The following ABCG8 variants were observed in gnomAD, a reference collection of about 807,000 sequenced individuals.
ABCG8 encodes the protein ATP-binding cassette sub-family G member 8.
ABCG8 carries 81 observed loss-of-function variants against 71.3 expected under a neutral mutation model. The observed-to-expected ratio is 1.14, with a 90% CI of 0.95 to 1.37. The LOEUF (loss-of-function observed/expected upper bound fraction) is 1.37, where lower values mean the gene tolerates loss of function less well. Ranked by LOEUF, ABCG8 falls within the 40% of genes most tolerant of loss-of-function variation. The pLI is 0.00. For missense variants in ABCG8, 1,119 were observed against 866.2 expected (o/e 1.29, Z -3.66); for synonymous variants, 451 against 354.7 (o/e 1.27, Z -3.05).
intron 4 of ABCG8, 89 bp downstream of exon 4, chr2:43,851,911 C>A: frequency 6.9e-7 from 1 of 1,440,158 alleles, no homozygotes; most frequent in Non-Finnish European, 9.7e-7. Context: ...GCCTCAGGAC[C>A]CAGCCGCAGG....
chr2:43,844,453 C>G (rs957025646), intron 1 of ABCG8, 54 bp from the exon 2 acceptor site: 3 of 1,446,468 alleles, frequency 2.1e-6, no homozygotes, highest in Non-Finnish European at 2.9e-6. Flanking sequence ...CTTGTCTTCT[C>G]CTATGTTCTC....
Position 43,879,954 on chromosome 2 carries a change from G to A in ABCG8, c.*2041G>A, listed in dbSNP as rs1477912234. 1.3e-5 allele frequency: 2 copies of A among 152,012 alleles called. No individual in the cohort carries two copies. Among genetic ancestry groups the A allele is most frequent in the Non-Finnish European group, 2.9e-5 (2 of 68,000 alleles). 9.4% of individuals were successfully genotyped at this position (152,012 alleles called of 1,614,324 possible). A position where few individuals can be genotyped will look rare whatever the true frequency, so the allele number is the denominator to read the frequency against. On this transcript the variant is annotated 3_prime_UTR_variant, in exon 13 of 13. Coordinates refer to ENST00000272286, the MANE Select transcript of ABCG8 (RefSeq NM_022437.3). ...TGGGTACTTTGAAACTATGTAAATT[G>A]TAAACTTTCCATTTATGCATTTTAA...
intron 6 of ABCG8, among the ~76,000 whole-genome samples, chr2:43,854,837 C>T (rs553429093): frequency 5.9e-5 from 9 of 152,240 alleles, no homozygotes; most frequent in African/African-American, 1.7e-4. Flanking sequence ...AGGTAGAAGG[C>T]AGAGGCACTG....
chr2:43,852,131 C>T (rs568260060), intron 4 of ABCG8, among the ~76,000 whole-genome samples: 7 of 152,366 alleles, frequency 4.6e-5, no homozygotes, highest in Admixed American at 3.3e-4. Context: ...TACACTGCCA[C>T]GTTCCTAACA....
chr2:43,842,016 T>A (rs1239464554), intron 1 of ABCG8, among the ~76,000 whole-genome samples: 1 of 151,400 alleles, frequency 6.6e-6, no homozygotes, highest in Non-Finnish European at 1.5e-5. Flanking sequence ...GGATAAGATT[T>A]TTTTTTTTTT....
chr2:43,872,159 G>T, intron 7 of ABCG8, 21 bp downstream of exon 7: 1 of 1,614,062 alleles, frequency 6.2e-7, no homozygotes, highest in Middle Eastern at 1.6e-4. Flanking sequence ...AGGCGACTCT[G>T]AGAGGAGAGC....
rs770976468 is a variant in ABCG8, at chr2:43,872,044, C to A, written c.1033C>A (p.Leu345Ile). Residue 345 changes from leucine to isoleucine, a missense_variant, in exon 7 of 13, where the codon CTC becomes ATC. Transcript: ENST00000272286. ...GGCCACCAGGGAGAAGGCTCAGTCA[C>A]TCGCAGCCCTGTTTCTAGAAAAAGT... The part of the protein sequence containing the change: ...ELATREKAQS[L>I]AALFLEKVRD... The A allele has an allele frequency of 3.1e-6, 5 of 1,613,994 alleles. No homozygotes were observed. The Admixed American group carries it at 8.3e-5, about 27-fold the overall frequency.
chr2:43,849,178 T>C (rs1042362175), intron 3 of ABCG8, among the ~76,000 whole-genome samples: 1 of 152,078 alleles, frequency 6.6e-6, no homozygotes, highest in African/African-American at 2.4e-5. Context: ...TGAATGCCAG[T>C]GGGTGTTTTG....
rs1319856628 is a variant in ABCG8, at chr2:43,877,834, T to C, written c.1943T>C (p.Ile648Thr). The change falls in exon 13 of 13, where the codon ATT (isoleucine) becomes ACT (threonine). Residue 648 changes from isoleucine to threonine, a missense_variant. By Grantham distance (89) the Ile-to-Thr change is moderately conservative. Coordinates refer to ENST00000272286, the MANE Select transcript of ABCG8 (RefSeq NM_022437.3). ...CTCTACGCCATCTACCTCATCGTCA[T>C]TGGCCTCAGCGGTGGCTTCATGGTC... ...YPLYAIYLIV[I>T]GLSGGFMVLY... 4.3e-6 allele frequency: 7 copies of C among 1,614,068 alleles called. No individual in the cohort carries two copies. Among genetic ancestry groups the C allele is most frequent in the African/African-American group, 1.3e-5 (1 of 74,924 alleles).
At chr2:43,859,149 A>G (rs1025316594) in intron 6 of ABCG8, among the ~76,000 whole-genome samples, 1 of 151,406 alleles carries the variant, frequency 6.6e-6, no homozygotes, top group Non-Finnish European at 1.5e-5. Flanking sequence ...AAATGTCTGG[A>G]TAGAATTCTC....
intron 11 of ABCG8, among the ~76,000 whole-genome samples, chr2:43,876,712 C>T (rs902879594): frequency 2.1e-5 from 3 of 142,166 alleles, no homozygotes; most frequent in South Asian, 4.5e-4. Flanking sequence ...ATAAAGGAGC[C>T]GTGGGAATAT....
rs770402069 is a variant in ABCG8 at position 43,875,299 on chromosome 2, G to T, written c.1642G>T (p.Ala548Ser). 6 of 1,614,122 alleles carry T rather than the reference G, an allele frequency of 3.7e-6. No homozygotes were observed. The East Asian group carries it at 1.3e-4, about 36-fold the overall frequency. ...CTTCTGTTGCAGGATTATGGCCCTG[G>T]CCGCCGCGGCCCTGCTCCCCACCTT... is the stretch of plus-strand genomic sequence containing the variant. ...VVFCCRIMALAAAALLPTFHM... is the reference protein window; with the variant it reads ...VVFCCRIMALSAAALLPTFHM... Residue 548 changes from alanine (A) to serine (S), a missense_variant, in exon 11 of 13, where the codon GCC becomes TCC. Ala to Ser is a moderately conservative substitution (Grantham distance 99). Transcript: ENST00000272286.
chr2:43,846,782 AGGTTCTTG>A (rs1318133006), intron 3 of ABCG8: 4 of 191,210 alleles, frequency 2.1e-5, no homozygotes, highest in African/African-American at 9.3e-5. Context: ...GCAAAGAGCC[AGGTTCTTG>A]GAGTGCCTCA....
Position 43,877,806 on chromosome 2 carries a change from C to T in ABCG8, c.1915C>T (p.Pro639Ser). ...ILSVMELDSY[P>S]LYAIYLIVIG... ...CAGTGTCATGGAGCTGGACTCGTAC[C>T]CTCTCTACGCCATCTACCTCATCGT... The change falls in exon 13 of 13, where the codon CCT becomes TCT. Residue 639 changes from proline to serine, a missense_variant. Transcript: ENST00000272286. 1 of 1,614,146 alleles carries T rather than the reference C, an allele frequency of 6.2e-7. No homozygotes were observed. The highest frequency in any genetic ancestry group is 1.1e-5 in the South Asian group (1 of 91,078).
At chr2:43,845,096 G>GTATATATA (rs1286671437) in intron 2 of ABCG8, among the ~76,000 whole-genome samples, 1 of 134,762 alleles carries the variant, frequency 7.4e-6, no homozygotes, top group East Asian at 2.0e-4. Flanking sequence ...GTGTGTGTGT[G>GTATATATA]TGTATATATA....
In ABCG8 at chr2:43,852,495, C is replaced by G; in HGVS notation, c.694+9C>G. 1 of 1,613,580 alleles carries G rather than the reference C, an allele frequency of 6.2e-7. No individual in the cohort carries two copies. The highest frequency in any genetic ancestry group is 1.1e-5 in the South Asian group (1 of 91,062). On this transcript the variant is annotated intron_variant, in intron 5 of 12. Coordinates refer to ENST00000272286, the MANE Select transcript of ABCG8 (RefSeq NM_022437.3). ...GCTCCTGTGGAACCCAGGTGAGGGC[C>G]TGGGGGGCAGATGGGGGCAGAGGGA...
chr2:43,846,528 A>T (rs1668748956), intron 3 of ABCG8: 1 of 630,170 alleles, frequency 1.6e-6, no homozygotes, highest in African/African-American at 1.8e-5. Flanking sequence ...AAGAGTCATG[A>T]GTGCGCCTCT....
rs1258188632 is a variant in ABCG8, at chr2:43,877,841, C to T, written c.1950C>T (p.Leu650=). The T allele has an allele frequency of 6.2e-7, 1 of 1,614,160 alleles. No individual in the cohort carries two copies. ...LYAIYLIVIG[L]SGGFMVLYYV... ...CCATCTACCTCATCGTCATTGGCCT[C>T]AGCGGTGGCTTCATGGTCCTGTACT... The change falls in exon 13 of 13, where the codon CTC becomes CTT. Residue 650 remains leucine (L), a synonymous_variant. Coordinates refer to ENST00000272286, the MANE Select transcript of ABCG8 (RefSeq NM_022437.3).
Position 43,873,894 on chromosome 2 carries a change from G to T in ABCG8, c.1319G>T (p.Ser440Ile). Residue 440 changes from serine to isoleucine, a missense_variant, in exon 9 of 13, where the codon AGC becomes ATC. Transcript: ENST00000272286. ...GGCTTCCTCTATTTTGGCCATGGGA[G>T]CATCCAGCTCTCCTTCATGGATACA... ...TIGFLYFGHG[S>I]IQLSFMDTAA... 6.2e-7 allele frequency: 1 copy of T among 1,614,092 alleles called. No individual in the cohort carries two copies. The highest frequency in any genetic ancestry group is 8.5e-7 in the Non-Finnish European group (1 of 1,180,018).
Sources: gnomAD v4.1 joint callset for allele counts (sites outside exome capture counted in the v4.1 genomes callset) on GRCh38, gnomAD v4.1.1 for gene constraint, MANE v1.5 for transcripts, NCBI Gene and HGNC (gene_info 2026-07-23, HGNC 2026-07-21) for gene names.